The following HIVEP3 variants were observed in gnomAD, a reference collection of about 807,000 sequenced individuals.
The protein encoded by HIVEP3 is HIVEP zinc finger 3.
In HIVEP3, 49 loss-of-function variants were observed where a neutral mutation model predicts 152.8. That is an observed-to-expected ratio of 0.32 (90% CI 0.26 to 0.41). HIVEP3 has a LOEUF of 0.41. Ranked by LOEUF, HIVEP3 falls within the 10% of genes least tolerant of loss-of-function variation. The pLI is 1.00. For missense variants in HIVEP3, 2,790 were observed against 3,103.3 expected (o/e 0.90, Z 2.40); for synonymous variants, 1,269 against 1,289.0 (o/e 0.98, Z 0.33).
chr1:41,570,032 G>A (rs1338164331), intron 5 of HIVEP3, among the ~76,000 whole-genome samples: 1 of 152,226 alleles, frequency 6.6e-6, no homozygotes, highest in African/African-American at 2.4e-5. Context: ...TCCCAGATAC[G>A]AAGTTGGATG....
chr1:41,529,133 A>C (rs1236305486), intron 5 of HIVEP3, among the ~76,000 whole-genome samples: 10 of 49,146 alleles, frequency 2.0e-4, no homozygotes, highest in South Asian at 1.7e-3. Flanking sequence ...CCCTCACACA[A>C]CTCACCCTCA....
In HIVEP3 at chr1:41,584,923, C is replaced by T; in HGVS notation, c.-126G>A. On this transcript the variant is annotated 5_prime_UTR_variant, in exon 4 of 9. Transcript: ENST00000372583. This position sits in a 1 kb window ranked among gnomAD's most constrained non-coding sequence, Gnocchi z 5.2. ...TTGGTCAAGAGCTGTGGGAGCCAAA[C>T]CCAAGACGGCTTTGGGAGTTTTTTG... The T allele has an allele frequency of 1.1e-6, 1 of 892,696 alleles. No homozygotes were observed. The highest frequency in any genetic ancestry group is 1.6e-6 in the Non-Finnish European group (1 of 639,224). The allele number at this position is 892,696 out of a possible 1,614,324, so 55.3% of individuals were successfully genotyped here.
At chr1:41,865,222 C>T (rs1334982198) in intron 1 of HIVEP3, among the ~76,000 whole-genome samples, 1 of 152,212 alleles carries the variant, frequency 6.6e-6, no homozygotes, top group African/African-American at 2.4e-5. Context: ...GCCACAACAG[C>T]AGCTGGGGCT....
chr1:41,941,079 G>A (rs1161131254), intron 1 of HIVEP3, among the ~76,000 whole-genome samples: 1 of 152,160 alleles, frequency 6.6e-6, no homozygotes, highest in Non-Finnish European at 1.5e-5. Context: ...TGACAACCTT[G>A]ACAAGAACAG....
chr1:41,732,185 T>C (rs1426727472), intron 1 of HIVEP3, among the ~76,000 whole-genome samples: 6 of 152,158 alleles, frequency 3.9e-5, no homozygotes, highest in Non-Finnish European at 8.8e-5. Flanking sequence ...ACATGAGCCA[T>C]GGTGCAGCTT....
chr1:41,518,819 T>G (rs1642680947), intron 6 of HIVEP3, among the ~76,000 whole-genome samples: 1 of 147,994 alleles, frequency 6.8e-6, no homozygotes, highest in East Asian at 2.0e-4. Context: ...TGCAATAGGT[T>G]TTTTTTTTTT....
chr1:41,778,694 TCCCAGGGAGTAAAA>T (rs1278221762), intron 1 of HIVEP3, among the ~76,000 whole-genome samples: 2 of 151,972 alleles, frequency 1.3e-5, no homozygotes, highest in African/African-American at 4.8e-5. Context: ...GCTGAGAAAA[TCCCAGGGAGTAAAA>T]CAGGCCAATC....
At chr1:41,772,781 G>A (rs549219215) in intron 1 of HIVEP3, among the ~76,000 whole-genome samples, 1 of 152,240 alleles carries the variant, frequency 6.6e-6, no homozygotes, top group African/African-American at 2.4e-5. Flanking sequence ...GTGGTGGCAG[G>A]TGCCTATAAT....
intron 2 of HIVEP3, among the ~76,000 whole-genome samples, chr1:41,672,205 C>T (rs1351033378): frequency 6.6e-6 from 1 of 152,222 alleles, no homozygotes; most frequent in Non-Finnish European, 1.5e-5. Flanking sequence ...GCCCTCCCCA[C>T]CTCCCTGGCA....
chr1:41,869,598 T>G (rs1644042698), intron 1 of HIVEP3: 2 of 152,216 alleles, frequency 1.3e-5, no homozygotes, highest in Admixed American at 1.3e-4. Context: ...CTGCACAGTG[T>G]TTTTCTTTAA....
intron 1 of HIVEP3, among the ~76,000 whole-genome samples, chr1:42,009,283 C>T (rs1180780891): frequency 1.3e-5 from 2 of 152,162 alleles, no homozygotes; most frequent in African/African-American, 4.8e-5. Flanking sequence ...TGAATAATGT[C>T]GTTTCCCCTG....
At chr1:41,620,989 AGCCCCACACCT>A (rs1353836992) in intron 3 of HIVEP3, among the ~76,000 whole-genome samples, 1 of 152,204 alleles carries the variant, frequency 6.6e-6, no homozygotes, top group African/African-American at 2.4e-5. Flanking sequence ...ATAACTGGTC[AGCCCCACACCT>A]GCAAGTAATT....
chr1:41,594,029 C>T (rs562839071), intron 3 of HIVEP3, among the ~76,000 whole-genome samples: 10 of 152,256 alleles, frequency 6.6e-5, no homozygotes, highest in African/African-American at 2.4e-4. Flanking sequence ...CTCTCCCTCT[C>T]CTAAGGACTC....
chr1:41,757,091 AATTATTATTATTATT>A (rs147789740), intron 1 of HIVEP3, among the ~76,000 whole-genome samples: 57 of 136,540 alleles, frequency 4.2e-4, no homozygotes, highest in Non-Finnish European at 6.9e-4. Flanking sequence ...GTCTCTAAAA[AATTATTATTATTATT>A]ATTATTATTA....
chr1:41,552,810 G>A (rs114265912), intron 5 of HIVEP3, among the ~76,000 whole-genome samples: 2,211 of 152,280 alleles, frequency 0.015, 64 homozygotes, highest in African/African-American at 0.047. Context: ...GGCAATCATT[G>A]AGTGAGTTTC....
At chr1:42,015,895 G>A (rs79054478) in intron 1 of HIVEP3, among the ~76,000 whole-genome samples, 346 of 152,362 alleles carry the variant, frequency 2.3e-3, no homozygotes, top group African/African-American at 7.9e-3. Flanking sequence ...CAATGGCTAC[G>A]TCTGCTTTCC....
intron 1 of HIVEP3, among the ~76,000 whole-genome samples, chr1:41,936,346 C>G (rs1401301551): frequency 1.3e-5 from 2 of 152,170 alleles, no homozygotes; most frequent in Non-Finnish European, 2.9e-5. Context: ...CCAGGGGCTT[C>G]TGTCACCCCT....
chr1:41,724,090 G>A (rs1646717257), intron 1 of HIVEP3, among the ~76,000 whole-genome samples: 2 of 152,214 alleles, frequency 1.3e-5, no homozygotes, highest in Non-Finnish European at 2.9e-5. Context: ...GCAGCTCGAG[G>A]ATGAATCTTT....
intron 1 of HIVEP3, among the ~76,000 whole-genome samples, chr1:41,726,501 T>C (rs1331598053): frequency 6.6e-6 from 1 of 152,202 alleles, no homozygotes; most frequent in Non-Finnish European, 1.5e-5. Context: ...GTCCCACAGT[T>C]ACCTCCTTTT....
Sources: allele counts gnomAD v4.1 joint callset (sites outside exome capture counted in the v4.1 genomes callset), GRCh38; gene constraint gnomAD v4.1.1; non-coding constraint Gnocchi (gnomAD v3.1); transcripts MANE v1.5; gene names NCBI Gene and HGNC (gene_info 2026-07-23, HGNC 2026-07-21).